Variants in GRID2 observed in about 807,000 individuals in gnomAD.
GRID2 encodes glutamate receptor ionotropic, delta-2.
A neutral mutation model predicts 114.8 loss-of-function variants in GRID2; 33 were observed. The ratio of observed to expected loss-of-function variants is 0.29; its 90% CI spans 0.22 to 0.38. GRID2 has a LOEUF of 0.38. Ranked by LOEUF, GRID2 falls within the 10% of genes least tolerant of loss-of-function variation. The pLI is 1.00. For missense variants in GRID2, 1,184 were observed against 1,257.7 expected, an observed-to-expected ratio of 0.94 and a Z score of 0.89; for synonymous variants, 505 against 449.9, an observed-to-expected ratio of 1.12 and a Z score of -1.55.
intron 14 of GRID2, among the ~76,000 whole-genome samples, chr4:93,668,311 A>T (rs75092049): frequency 0.017 from 2,567 of 152,114 alleles, 79 homozygotes; most frequent in African/African-American, 0.059. Context: ...AAATGTATAT[A>T]ACCGTTTTCT....
At chr4:93,792,561 TTGGC>T (rs1243360076) in intron 1 of GRID2, among the ~76,000 whole-genome samples, 1 of 152,160 alleles carries the variant, frequency 6.6e-6, no homozygotes, top group Non-Finnish European at 1.5e-5. Flanking sequence ...TCCTTCACCT[TTGGC>T]TGACCCAGAA....
chr4:93,611,789 C>T (rs1740949273), intron 13 of GRID2, among the ~76,000 whole-genome samples: 2 of 150,170 alleles, frequency 1.3e-5, no homozygotes, highest in South Asian at 4.3e-4. Flanking sequence ...AATGTATATT[C>T]TGTTGATTTG....
chr4:93,589,388 T>G (rs1022970528), intron 13 of GRID2, among the ~76,000 whole-genome samples: 2 of 151,934 alleles, frequency 1.3e-5, no homozygotes, highest in African/African-American at 4.8e-5. Context: ...GAACTCATCA[T>G]TTTTTATGGC....
At chr4:93,119,246 C>A (rs1733555865) in intron 4 of GRID2, among the ~76,000 whole-genome samples, 1 of 152,230 alleles carries the variant, frequency 6.6e-6, no homozygotes, top group East Asian at 1.9e-4. Flanking sequence ...AAAATTGTTA[C>A]ACAATATATC....
chr4:92,732,502 G>T (rs768141531), intron 2 of GRID2, among the ~76,000 whole-genome samples: 32 of 152,118 alleles, frequency 2.1e-4, no homozygotes, highest in Admixed American at 5.3e-4. Context: ...TCATTACAGA[G>T]TGATAAATGT....
chr4:93,192,747 C>CAAAAAA (rs775968274), intron 4 of GRID2, among the ~76,000 whole-genome samples: 5 of 43,620 alleles, frequency 1.1e-4, no homozygotes, highest in Admixed American at 2.3e-4. Flanking sequence ...AACTCCATCT[C>CAAAAAA]AAAAAAAAAA....
intron 8 of GRID2, among the ~76,000 whole-genome samples, chr4:93,266,388 C>G (rs927553185): frequency 1.3e-5 from 2 of 151,944 alleles, no homozygotes; most frequent in African/African-American, 2.4e-5. Flanking sequence ...CTCTATAAGC[C>G]ACCTGTGTTG....
intron 9 of GRID2, among the ~76,000 whole-genome samples, chr4:93,398,863 A>C (rs1765610572): frequency 6.6e-6 from 1 of 151,554 alleles, no homozygotes; most frequent in African/African-American, 2.4e-5. Flanking sequence ...TGTGTTTAAT[A>C]ATTTTGCATG....
At chr4:92,723,962 A>T (rs991421278) in intron 2 of GRID2, among the ~76,000 whole-genome samples, 29 of 152,234 alleles carry the variant, frequency 1.9e-4, no homozygotes, top group Admixed American at 7.2e-4. Flanking sequence ...GTTCATAGGG[A>T]CTTTTTCTTT....
chr4:92,772,296 C>G (rs1177630763), intron 2 of GRID2, among the ~76,000 whole-genome samples: 1 of 152,142 alleles, frequency 6.6e-6, no homozygotes, highest in Non-Finnish European at 1.5e-5. Context: ...ATCAGACTAA[C>G]TACATATCTC....
intron 2 of GRID2, among the ~76,000 whole-genome samples, chr4:92,756,524 G>A (rs1037134850): frequency 1.3e-5 from 2 of 151,984 alleles, no homozygotes; most frequent in African/African-American, 4.8e-5. Flanking sequence ...TATCTATATT[G>A]TTTTCTATAA....
chr4:92,333,161 T>A (rs1361855923), intron 1 of GRID2, among the ~76,000 whole-genome samples: 2 of 152,258 alleles, frequency 1.3e-5, no homozygotes, highest in African/African-American at 4.8e-5. Flanking sequence ...AAGGCCAGAA[T>A]GGCCCCACAG....
At chr4:93,425,972 G>A (rs1033004441) in intron 10 of GRID2, among the ~76,000 whole-genome samples, 1 of 151,886 alleles carries the variant, frequency 6.6e-6, no homozygotes, top group Non-Finnish European at 1.5e-5. Flanking sequence ...TATTCTGATA[G>A]GGCTAGTCCA....
At chr4:92,383,009 A>G (rs1729696223) in intron 1 of GRID2, among the ~76,000 whole-genome samples, 1 of 151,954 alleles carries the variant, frequency 6.6e-6, no homozygotes. Context: ...ACTTTTACTC[A>G]TGGAGGAAGA....
At chr4:93,484,142 A>C (rs1726142692) in intron 11 of GRID2, among the ~76,000 whole-genome samples, 1 of 151,830 alleles carries the variant, frequency 6.6e-6, no homozygotes, top group Non-Finnish European at 1.5e-5. Flanking sequence ...TTGCCTACAG[A>C]AAAGTACGTA....
rs138938854 is a variant in GRID2 at position 92,956,087 on chromosome 4, A to C, written c.245-128908A>C. Among the ~76,000 whole-genome samples, 13 of 152,332 alleles carry C rather than the reference A, an allele frequency of 8.5e-5. No individual in the cohort carries two copies. The East Asian group carries it at 2.5e-3, about 29-fold the overall frequency. ...AAAAAACAAAAACAATTTTTGGAAC[A>C]GTTGTAGGTTCACAGCAAAACTGAG... On this transcript the variant is annotated intron_variant, in intron 2 of 15. Transcript: ENST00000282020.
chr4:92,809,688 G>A (rs527522496), intron 2 of GRID2, among the ~76,000 whole-genome samples: 45 of 151,956 alleles, frequency 3.0e-4, no homozygotes, highest in Middle Eastern at 3.4e-3. Flanking sequence ...AACAGAAATA[G>A]GATAAAACAA....
intron 14 of GRID2, among the ~76,000 whole-genome samples, chr4:93,661,644 C>T (rs940871171): frequency 3.9e-5 from 6 of 152,062 alleles, no homozygotes; most frequent in African/African-American, 1.2e-4. Flanking sequence ...ATGTAGTGAC[C>T]GAAGCCTCAC....
At chr4:92,369,122 A>G (rs1314226903) in intron 1 of GRID2, among the ~76,000 whole-genome samples, 1 of 152,102 alleles carries the variant, frequency 6.6e-6, no homozygotes, top group Non-Finnish European at 1.5e-5. Flanking sequence ...AGCCAGTAAT[A>G]TACTTCACAA....
Sources: allele counts gnomAD v4.1 joint callset (sites outside exome capture counted in the v4.1 genomes callset), GRCh38; gene constraint gnomAD v4.1.1; transcripts MANE v1.5; gene names NCBI Gene and HGNC (gene_info 2026-07-23, HGNC 2026-07-21).